The following MAST3 variants were observed in gnomAD, a reference collection of about 807,000 sequenced individuals.
MAST3 encodes the protein microtubule-associated serine/threonine-protein kinase 3.
MAST3 carries 43 observed loss-of-function variants against 127.0 expected under a neutral mutation model. The observed-to-expected ratio is 0.34, with a 90% CI of 0.27 to 0.44. The LOEUF is 0.44. MAST3 is among the 20% of genes least tolerant of loss of function. The pLI, the probability that MAST3 is intolerant of heterozygous loss-of-function variation, is 1.00. For missense variants in MAST3, 1,390 were observed against 1,919.1 expected (o/e 0.72, Z 5.15); for synonymous variants, 785 against 809.2 (o/e 0.97, Z 0.51).
Position 18,101,154 on chromosome 19 carries a change from T to C in MAST3, c.39+3323T>C, listed in dbSNP as rs1022622536. 2.6e-5 allele frequency among the ~76,000 whole-genome samples: 4 copies of C among 152,300 alleles called. No individual in the cohort carries two copies. The South Asian group carries it at 8.3e-4, about 32-fold the overall frequency. On this transcript the variant is annotated intron_variant, in intron 1 of 27. Transcript: ENST00000687212. ...TCTTATTACATTTATCATCTCCTAC[T>C]TGGACCTTTGCTTTACACATGACCG... is the stretch of plus-strand genomic sequence containing the variant.
chr19:18,127,110 C>T (rs2040738840), intron 11 of MAST3, among the ~76,000 whole-genome samples: 3 of 151,838 alleles, frequency 2.0e-5, no homozygotes, highest in African/African-American at 7.3e-5. Context: ...ATTAGCCAGG[C>T]GTGGCGGTGA....
chr19:18,099,224 G>C (rs1248110254), intron 1 of MAST3, among the ~76,000 whole-genome samples: 1 of 151,662 alleles, frequency 6.6e-6, no homozygotes, highest in Non-Finnish European at 1.5e-5. Flanking sequence ...GGTCAGGGAA[G>C]GCACGGGCTG....
At chr19:18,121,645 C>T (rs1791270746) in intron 3 of MAST3, 40 bp from the exon 4 acceptor site, 1 of 1,576,548 alleles carries the variant, frequency 6.3e-7, no homozygotes. Flanking sequence ...AGCGCGGGGC[C>T]CTGGGCAGCC....
At chr19:18,126,780 A>C (rs1046310359) in intron 11 of MAST3, among the ~76,000 whole-genome samples, 1 of 148,116 alleles carries the variant, frequency 6.8e-6, no homozygotes, top group African/African-American at 2.5e-5. Flanking sequence ...ACAAAAAGTA[A>C]TTTTTTTTTT....
Position 18,134,672 on chromosome 19 carries a change from C to T in MAST3, c.1665C>T (p.Gly555=). 1.2e-6 allele frequency: 2 copies of T among 1,613,712 alleles called. No individual in the cohort carries two copies. The highest frequency in any genetic ancestry group is 1.7e-6 in the Non-Finnish European group (2 of 1,179,808). Residue 555 remains glycine (G), a synonymous_variant, in exon 16 of 28, where the codon GGC becomes GGT. Transcript: ENST00000687212. ...LMSMATNLYE[G]HIEKDAREFI... Reference sequence around the variant, plus strand: ...GCATGGCCACCAACCTCTATGAGGGCCACATCGAGAAGGACGCCCGAGAGT... The same window carrying T: ...GCATGGCCACCAACCTCTATGAGGGTCACATCGAGAAGGACGCCCGAGAGT...
intron 1 of MAST3, among the ~76,000 whole-genome samples, chr19:18,105,146 C>G (rs976735869): frequency 6.6e-6 from 1 of 152,156 alleles, no homozygotes; most frequent in African/African-American, 2.4e-5. Context: ...GTGGATGGAT[C>G]ACTTGAGGTC....
At position 18,124,249 on chromosome 19, in the gene MAST3, G is replaced by A. The variant is rs766315265; in HGVS notation, c.844-16G>A. On this transcript the variant is annotated splice_polypyrimidine_tract_variant and intron_variant, in intron 9 of 27. Transcript: ENST00000687212. ...GCTGAGGACCTGTGGGTGATGCCAC[G>A]ACCCACCTCCCCCAGGCCCATGAGC... The A allele has an allele frequency of 1.2e-5, 19 of 1,597,930 alleles. No homozygotes were observed. The highest frequency in any genetic ancestry group is 1.7e-4 in the Middle Eastern group (1 of 6,042).
rs1173547240 is a variant in MAST3 at position 18,107,614 on chromosome 19, C to T, written c.67C>T (p.Arg23Cys). ...GGAGCTGAGCCTGCCACGCCGAGGA[C>T]GTGGGTGAGTTCACCTGGGACTGGC... ...QKELSLPRRG[R>C]GLSPSSQSPS... Residue 23 changes from arginine to cysteine, a missense_variant, in exon 2 of 28, where the codon CGT (arginine) becomes TGT (cysteine). Physicochemically the swap from Arg to Cys is radical, Grantham distance 180. Around this residue, in one of 5 missense-constraint regions of MAST3, gnomAD observed 61 missense variants for 78.2 expected, o/e 0.78. Transcript: ENST00000687212. The T allele has an allele frequency of 8.1e-6, 13 of 1,612,206 alleles. No individual in the cohort carries two copies. Among genetic ancestry groups the T allele is most frequent in the Non-Finnish European group, 1.1e-5 (13 of 1,179,188 alleles).
At chr19:18,104,314 G>GTT (rs1449188782) in intron 1 of MAST3, among the ~76,000 whole-genome samples, 2 of 151,352 alleles carry the variant, frequency 1.3e-5, no homozygotes. Flanking sequence ...ACTAAACGCC[G>GTT]TGAGTTGTCT....
Position 18,141,996 on chromosome 19 carries a change from C to A in MAST3, c.2320C>A (p.Arg774=). ...GCGCAGCGAAGTGGACTATGGCCGC[C>A]GGCTGAGTGCTGACATCCGGTAAGT... is the stretch of plus-strand genomic sequence containing the variant. ...WERSEVDYGR[R]LSADIRLRSW... The change falls in exon 21 of 28, where the codon CGG becomes AGG. Residue 774 remains arginine (R), a synonymous_variant. Coordinates refer to ENST00000687212, the MANE Select transcript of MAST3 (RefSeq NM_001393504.1). 2.0e-6 allele frequency: 3 copies of A among 1,505,278 alleles called. No individual in the cohort carries two copies. Among genetic ancestry groups the A allele is most frequent in the South Asian group, 1.3e-5 (1 of 75,034 alleles). The allele number at this position is 1,505,278 out of a possible 1,614,324, so 93.2% of individuals were successfully genotyped here. A position where few individuals can be genotyped will look rare whatever the true frequency, so the allele number is the denominator to read the frequency against.
At chr19:18,108,735 A>G (rs1292606693) in intron 2 of MAST3, among the ~76,000 whole-genome samples, 1 of 152,122 alleles carries the variant, frequency 6.6e-6, no homozygotes. Flanking sequence ...TCATTTACAG[A>G]TGAAAGAAAC....
chr19:18,131,800 T>G, intron 14 of MAST3, 109 bp from the exon 15 acceptor site: 1 of 1,274,562 alleles, frequency 7.8e-7, no homozygotes, highest in Non-Finnish European at 1.1e-6. Flanking sequence ...CTGGGGACCT[T>G]TTGCAGGAGG....
chr19:18,098,007 G>A (rs766787767), intron 1 of MAST3, among the ~76,000 whole-genome samples, 176 bp downstream of exon 1: 1 of 152,138 alleles, frequency 6.6e-6, no homozygotes, highest in Non-Finnish European at 1.5e-5. Context: ...TTTTCTCATG[G>A]TGGGAAGGGG....
intron 15 of MAST3, among the ~76,000 whole-genome samples, chr19:18,134,258 A>T (rs1375224195): frequency 6.6e-6 from 1 of 152,114 alleles, no homozygotes; most frequent in Admixed American, 6.6e-5. Flanking sequence ...ACATATACGC[A>T]CACACAGTAG....
Position 18,143,978 on chromosome 19 carries a change from C to G in MAST3, c.2555C>G (p.Pro852Arg). ...GEPDPPPAAT[P>R]VMPKPSSLSA... ...CCTGACCCCCCACCAGCGGCCACCC[C>G]AGTGATGCCCAAGCCCTCGAGCCTT... The change falls in exon 22 of 28, where the codon CCA (proline) becomes CGA (arginine). Residue 852 changes from proline to arginine, a missense_variant. By Grantham distance (103) the Pro-to-Arg change is moderately radical. Around this residue, in one of 5 missense-constraint regions of MAST3, gnomAD observed 816 missense variants for 934.1 expected, o/e 0.87. Coordinates refer to ENST00000687212, the MANE Select transcript of MAST3 (RefSeq NM_001393504.1). 6.3e-7 allele frequency: 1 copy of G among 1,584,294 alleles called. No homozygotes were observed. The highest frequency in any genetic ancestry group is 8.6e-7 in the Non-Finnish European group (1 of 1,165,260).
In MAST3 at chr19:18,146,903, G is replaced by A. The variant is rs370548640; in HGVS notation, c.3185G>A (p.Arg1062Gln). The change falls in exon 26 of 28, where the codon CGG becomes CAG. Residue 1062 changes from arginine to glutamine, a missense_variant. This residue lies in a region of MAST3 where 816 missense variants were observed against 934.1 expected (regional missense o/e 0.87). Transcript: ENST00000687212. Reference sequence around the variant, plus strand: ...CAGAGCGGCAACAAGATATCCCTGCGGACCACAGCCCTGGAGAACACCTCC... The same window carrying A: ...CAGAGCGGCAACAAGATATCCCTGCAGACCACAGCCCTGGAGAACACCTCC... Reference protein sequence around the residue: ...LLKSGNKISLRTTALENTSIK... With the variant: ...LLKSGNKISLQTTALENTSIK... 13 of 1,556,568 alleles carry A rather than the reference G, an allele frequency of 8.4e-6. 1 individual carries two copies. Among genetic ancestry groups the A allele is most frequent in the South Asian group, 3.6e-5 (3 of 84,334 alleles).
intron 3 of MAST3, among the ~76,000 whole-genome samples, chr19:18,118,563 C>T (rs2039584538): frequency 6.6e-6 from 1 of 152,152 alleles, no homozygotes. Context: ...CAGGGAGGAA[C>T]TTCTTGGAAA....
intron 2 of MAST3, chr19:18,109,858 C>T (rs939815359): frequency 2.4e-6 from 2 of 841,268 alleles, no homozygotes; most frequent in South Asian, 1.1e-4. Flanking sequence ...TTGGGGCGGA[C>T]TGCGCTCAGA....
chr19:18,100,509 C>T (rs924812219), intron 1 of MAST3, among the ~76,000 whole-genome samples: 9 of 152,020 alleles, frequency 5.9e-5, no homozygotes, highest in African/African-American at 2.2e-4. Flanking sequence ...AAATAAAGGT[C>T]CAAGTGGAAG....
Sources: gnomAD v4.1 joint callset for allele counts (sites outside exome capture counted in the v4.1 genomes callset) on GRCh38, gnomAD v4.1.1 for gene constraint, gnomAD v4.1.1 regional missense constraint, MANE v1.5 for transcripts, NCBI Gene and HGNC (gene_info 2026-07-23, HGNC 2026-07-21) for gene names.